The following PRRG1 variants were observed in gnomAD, a reference collection of about 807,000 sequenced individuals.
The protein encoded by PRRG1 is proline rich and Gla domain 1, also known as transmembrane gamma-carboxyglutamic acid protein 1.
PRRG1 carries 5 observed loss-of-function variants against 11.8 expected under a neutral mutation model. That is an observed-to-expected ratio of 0.42 (90% CI 0.22 to 0.89). PRRG1 has a LOEUF of 0.89. Among genes scored for constraint, PRRG1 ranks in the 40% least tolerant of loss-of-function variants. The pLI, the probability that PRRG1 is intolerant of heterozygous loss-of-function variation, is 0.28. For missense variants in PRRG1, 155 were observed against 166.1 expected, an observed-to-expected ratio of 0.93 and a Z score of 0.37; for synonymous variants, 66 against 60.4, an observed-to-expected ratio of 1.09 and a Z score of -0.43.
chrX:37,408,439 C>CT (rs1209114198), intron 2 of PRRG1, among the ~76,000 whole-genome samples: 1 of 111,671 alleles, frequency 9.0e-6, no homozygotes, highest in Non-Finnish European at 1.9e-5. Context: ...CCCTCCCACC[C>CT]TAGCGTTTTA....
chrX:37,372,229 A>G (rs1930784098), intron 1 of PRRG1, among the ~76,000 whole-genome samples: 1 of 112,130 alleles, frequency 8.9e-6, no homozygotes, highest in Non-Finnish European at 1.9e-5. Flanking sequence ...AGTGATGCTG[A>G]GCATTTTTTT....
chrX:37,399,741 C>G (rs1210460917), intron 1 of PRRG1, among the ~76,000 whole-genome samples: 1 of 105,938 alleles, frequency 9.4e-6, no homozygotes. Flanking sequence ...AAACCCATCT[C>G]ACGTTCAGAG....
chrX:37,362,416 A>T (rs1278757052), intron 1 of PRRG1, among the ~76,000 whole-genome samples: 2 of 108,311 alleles, frequency 1.8e-5, no homozygotes, highest in Non-Finnish European at 3.8e-5. Context: ...TTTTCTCCCC[A>T]GTCATTTCTG....
At chrX:37,441,730 C>A (rs1361932814) in intron 3 of PRRG1, 2 of 787,094 alleles carry the variant, frequency 2.5e-6, no homozygotes, top group Admixed American at 1.2e-4. Context: ...CGTCCAGGAG[C>A]TGATGAGGCT....
chrX:37,392,204 A>T (rs781814366), intron 1 of PRRG1, among the ~76,000 whole-genome samples: 1 of 111,969 alleles, frequency 8.9e-6, no homozygotes, highest in African/African-American at 3.2e-5. Context: ...TAAAGTTTTT[A>T]TTAAAATATA....
At chrX:37,410,619 TG>T (rs1556383522) in intron 2 of PRRG1, among the ~76,000 whole-genome samples, 1 of 112,436 alleles carries the variant, frequency 8.9e-6, no homozygotes, top group Non-Finnish European at 1.9e-5. Context: ...TATCAGATGG[TG>T]GAGTGCCTCA....
chrX:37,384,578 T>C (rs1931260897), intron 1 of PRRG1, among the ~76,000 whole-genome samples: 1 of 112,004 alleles, frequency 8.9e-6, no homozygotes, highest in Non-Finnish European at 1.9e-5. Context: ...ATTTTCACAA[T>C]ATTATACAGA....
At chrX:37,394,554 G>A (rs1289176816) in intron 1 of PRRG1, among the ~76,000 whole-genome samples, 1 of 112,042 alleles carries the variant, frequency 8.9e-6, no homozygotes, top group African/African-American at 3.2e-5. Context: ...AGAGAGCCAT[G>A]TGGCTAAAAA....
At chrX:37,384,609 A>C in intron 1 of PRRG1, among the ~76,000 whole-genome samples, 1 of 111,884 alleles carries the variant, frequency 8.9e-6, no homozygotes, top group Non-Finnish European at 1.9e-5. Flanking sequence ...TTAGGAAATT[A>C]TGGCCTTTAG....
chrX:37,429,890 G>A (rs895157136), intron 3 of PRRG1, among the ~76,000 whole-genome samples: 1 of 111,863 alleles, frequency 8.9e-6, no homozygotes, highest in African/African-American at 3.3e-5. Context: ...TTCTTACATG[G>A]TGGCAGCAAG....
At chrX:37,438,837 C>T (rs1932925454) in intron 3 of PRRG1, among the ~76,000 whole-genome samples, 2 of 111,871 alleles carry the variant, frequency 1.8e-5, no homozygotes, top group South Asian at 3.7e-4. Context: ...ACTCACTTCT[C>T]AGAGGTTCTG....
intron 1 of PRRG1, among the ~76,000 whole-genome samples, chrX:37,372,144 T>C (rs1340290470): frequency 1.8e-5 from 2 of 112,754 alleles, no homozygotes; most frequent in African/African-American, 6.4e-5. Flanking sequence ...ACTTGTTGTC[T>C]TTTACTGTTT....
At chrX:37,422,845 A>G (rs1932699185) in intron 2 of PRRG1, among the ~76,000 whole-genome samples, 1 of 111,484 alleles carries the variant, frequency 9.0e-6, no homozygotes, top group South Asian at 3.8e-4. Flanking sequence ...GAGTAAACAA[A>G]CCTACTGCAC....
At chrX:37,403,382 G>A (rs1401191806) in intron 1 of PRRG1, among the ~76,000 whole-genome samples, 2 of 102,776 alleles carry the variant, frequency 1.9e-5, no homozygotes, top group Non-Finnish European at 3.9e-5. Flanking sequence ...CGCAAGGACA[G>A]AAAACCAAAC....
intron 1 of PRRG1, among the ~76,000 whole-genome samples, chrX:37,365,403 G>A (rs782118122): frequency 3.3e-4 from 37 of 111,558 alleles, no homozygotes; most frequent in Non-Finnish European, 9.4e-5. Flanking sequence ...ATGTGAGTTT[G>A]CCCACATCCT....
chrX:37,443,267 T>C (rs1347911447), intron 3 of PRRG1, among the ~76,000 whole-genome samples: 1 of 111,567 alleles, frequency 9.0e-6, no homozygotes, highest in Non-Finnish European at 1.9e-5. Context: ...AGCACCTGGG[T>C]TGATGGTGCT....
intron 1 of PRRG1, among the ~76,000 whole-genome samples, chrX:37,375,041 T>C (rs922277380): frequency 8.9e-5 from 10 of 112,321 alleles, no homozygotes; most frequent in Admixed American, 7.6e-4. Flanking sequence ...GCTGTCTTTG[T>C]TTTTTACTTC....
chrX:37,368,775 T>G (rs782069423), intron 1 of PRRG1, among the ~76,000 whole-genome samples: 3 of 111,356 alleles, frequency 2.7e-5, no homozygotes, highest in Non-Finnish European at 3.8e-5. Context: ...CCGTAAATGT[T>G]TTCAGAATTC....
At chrX:37,382,497 A>G (rs1012684479) in intron 1 of PRRG1, among the ~76,000 whole-genome samples, 1 of 111,625 alleles carries the variant, frequency 9.0e-6, no homozygotes, top group Non-Finnish European at 1.9e-5. Context: ...AATATAATCA[A>G]ATCTTAAAGG....
Sources: gnomAD v4.1 joint callset for allele counts (sites outside exome capture counted in the v4.1 genomes callset) on GRCh38, gnomAD v4.1.1 for gene constraint, MANE v1.5 for transcripts, NCBI Gene and HGNC (gene_info 2026-07-23, HGNC 2026-07-21) for gene names.